The following EHMT1 variants were observed in gnomAD, a reference collection of about 807,000 sequenced individuals.
EHMT1 encodes the protein histone-lysine N-methyltransferase EHMT1.
A neutral mutation model predicts 147.2 loss-of-function variants in EHMT1; 15 were observed. The ratio of observed to expected loss-of-function variants is 0.10; its 90% CI spans 0.07 to 0.16. The LOEUF is 0.16. EHMT1 is among the 10% of genes least tolerant of loss of function. The probability of loss-of-function intolerance (pLI) is 1.00; values close to 1 mark genes in which losing one functional copy is unlikely to be tolerated. For missense variants in EHMT1, 1,587 were observed against 1,772.4 expected (o/e 0.90, Z 1.88); for synonymous variants, 795 against 709.6 (o/e 1.12, Z -1.91).
Position 137,733,976 on chromosome 9 carries a change from A to C in EHMT1, c.823+5447A>C, listed in dbSNP as rs7028181. ...AAAATGACAACAACAAAAACACCCC[A>C]AAACCAGTAACAGCAACAAAACAGT... On this transcript the variant is annotated intron_variant, in intron 4 of 26. Coordinates refer to ENST00000460843, the MANE Select transcript of EHMT1 (RefSeq NM_024757.5). Among the ~76,000 whole-genome samples, 1,421 of 152,350 alleles carry C rather than the reference A, an allele frequency of 9.3e-3. 17 individuals are homozygous for C. The highest frequency in any genetic ancestry group is 0.032 in the African/African-American group (1,335 of 41,574).
chr9:137,632,711 C>CT (rs1281292598), intron 1 of EHMT1, among the ~76,000 whole-genome samples: 1 of 152,098 alleles, frequency 6.6e-6, no homozygotes, highest in Non-Finnish European at 1.5e-5. Context: ...GCCTAGACCA[C>CT]TTTTTAGGGA....
At chr9:137,791,146 A>T (rs1216501534) in intron 16 of EHMT1, among the ~76,000 whole-genome samples, 176 bp downstream of exon 16, 1 of 152,216 alleles carries the variant, frequency 6.6e-6, no homozygotes, top group Non-Finnish European at 1.5e-5. Flanking sequence ...ATTAAAAACT[A>T]CTAGTGAGTG....
At chr9:137,710,547 G>A (rs1944609451) in intron 1 of EHMT1, among the ~76,000 whole-genome samples, 1 of 140,866 alleles carries the variant, frequency 7.1e-6, no homozygotes, top group South Asian at 2.8e-4. Flanking sequence ...AGTGATTTAA[G>A]TTCCTTATTG....
At position 137,813,834 on chromosome 9, in the gene EHMT1, G is replaced by C. The variant is rs969758082; in HGVS notation, c.3180+304G>C. ...CACTCAGGGGCCCCGGTGTGGCTTC[G>C]TGCTGGGGGCACAGGCGAGAGGAGC... On this transcript the variant is annotated intron_variant, in intron 21 of 26. Transcript: ENST00000460843. The surrounding 1 kb of genome is among the most constrained non-coding windows in gnomAD (Gnocchi z 4.9). Among the ~76,000 whole-genome samples, 1 of 152,116 alleles carries C rather than the reference G, an allele frequency of 6.6e-6. No homozygotes were observed. Among genetic ancestry groups the C allele is most frequent in the African/African-American group, 2.4e-5 (1 of 41,422 alleles).
intron 1 of EHMT1, among the ~76,000 whole-genome samples, chr9:137,694,123 A>G (rs1441116763): frequency 2.6e-5 from 2 of 76,758 alleles, no homozygotes; most frequent in Non-Finnish European, 4.9e-5. Context: ...ATACCCCCAC[A>G]CAGTGGCGCA....
intron 1 of EHMT1, among the ~76,000 whole-genome samples, chr9:137,662,881 C>T (rs1589155068): frequency 6.6e-6 from 1 of 152,032 alleles, no homozygotes; most frequent in Admixed American, 6.6e-5. Flanking sequence ...GCAGCCTCTG[C>T]CTCCTGGGTT....
chr9:137,803,299 T>C (rs938523858), intron 18 of EHMT1: 2 of 1,001,004 alleles, frequency 2.0e-6, no homozygotes, highest in Non-Finnish European at 1.2e-6. Flanking sequence ...CAGAAGCCAT[T>C]GTTGCTGTCG....
chr9:137,723,438 G>A (rs1164566664), intron 3 of EHMT1, among the ~76,000 whole-genome samples: 1 of 138,082 alleles, frequency 7.2e-6, no homozygotes, highest in Non-Finnish European at 1.6e-5. Flanking sequence ...GCCTGAGCCC[G>A]GGGTGTGCCC....
chr9:137,634,400 C>G (rs1843830626), intron 1 of EHMT1, among the ~76,000 whole-genome samples: 1 of 152,180 alleles, frequency 6.6e-6, no homozygotes, highest in African/African-American at 2.4e-5. Context: ...AAAGACCATG[C>G]TTTCCCCATT....
chr9:137,636,513 A>G (rs535487109), intron 1 of EHMT1, among the ~76,000 whole-genome samples: 1 of 152,272 alleles, frequency 6.6e-6, no homozygotes, highest in African/African-American at 2.4e-5. Context: ...ACCATTAGGT[A>G]TGATATTAGC....
chr9:137,739,698 G>A (rs1481716027), intron 4 of EHMT1, among the ~76,000 whole-genome samples: 2 of 152,270 alleles, frequency 1.3e-5, no homozygotes. Context: ...TGCAGAAGTT[G>A]CAGTGCTTCC....
At chr9:137,619,193 T>G (rs1217280490) in intron 1 of EHMT1, 144 bp downstream of exon 1, 1 of 135,278 alleles carries the variant, frequency 7.4e-6, no homozygotes. Context: ...CCGCCGCCGC[T>G]GCCGCCGCCT....
chr9:137,803,371 C>A, intron 18 of EHMT1: 1 of 882,750 alleles, frequency 1.1e-6, no homozygotes, highest in Non-Finnish European at 1.4e-6. Context: ...CCGCGCTTCA[C>A]AGCCATGCCC....
At chr9:137,806,754 T>C (rs1468757840) in intron 18 of EHMT1, among the ~76,000 whole-genome samples, 1 of 152,230 alleles carries the variant, frequency 6.6e-6, no homozygotes, top group Non-Finnish European at 1.5e-5. Context: ...CTTTAATGCC[T>C]GGAAAGTCCT....
intron 3 of EHMT1, among the ~76,000 whole-genome samples, chr9:137,726,164 C>T (rs996265263): frequency 2.6e-5 from 4 of 152,140 alleles, no homozygotes; most frequent in Non-Finnish European, 4.4e-5. Context: ...AAGTAAACAG[C>T]TCAGTGGCAT....
chr9:137,785,388 T>C (rs751150815), intron 15 of EHMT1: 1 of 149,706 alleles, frequency 6.7e-6, no homozygotes, highest in Non-Finnish European at 1.5e-5. Context: ...GAGGGTGGGG[T>C]GCGCTGAGCC....
At chr9:137,686,818 C>T (rs892188061) in intron 1 of EHMT1, among the ~76,000 whole-genome samples, 4 of 150,246 alleles carry the variant, frequency 2.7e-5, no homozygotes, top group Non-Finnish European at 4.4e-5. Flanking sequence ...ACAAGCTCTG[C>T]CTCCCGGGTT....
At chr9:137,743,580 G>A (rs547362155) in intron 5 of EHMT1, 52 bp downstream of exon 5, 148 of 1,612,664 alleles carry the variant, frequency 9.2e-5, no homozygotes, top group Non-Finnish European at 1.2e-4. Context: ...ATGCGTTTCT[G>A]TGTTCAGGGC....
At chr9:137,669,216 G>A in intron 1 of EHMT1, among the ~76,000 whole-genome samples, 1 of 152,006 alleles carries the variant, frequency 6.6e-6, no homozygotes, top group African/African-American at 2.4e-5. Flanking sequence ...TATCCTTCAT[G>A]TCTCGTCTTC....
Sources: gnomAD v4.1 joint callset for allele counts (sites outside exome capture counted in the v4.1 genomes callset) on GRCh38, gnomAD v4.1.1 for gene constraint, Gnocchi (gnomAD v3.1) non-coding constraint, MANE v1.5 for transcripts, NCBI Gene and HGNC (gene_info 2026-07-23, HGNC 2026-07-21) for gene names.